The following C1orf94 variants were observed in gnomAD, a reference collection of about 807,000 sequenced individuals.
The protein encoded by C1orf94 is uncharacterized protein C1orf94.
A neutral mutation model predicts 53.6 loss-of-function variants in C1orf94; 45 were observed. The ratio of observed to expected loss-of-function variants is 0.84; its 90% CI spans 0.66 to 1.08. C1orf94 has a LOEUF of 1.08. C1orf94 is among the 50% of genes least tolerant of loss of function. C1orf94 has a pLI of 0.00. For missense variants in C1orf94, 762 were observed against 738.9 expected (o/e 1.03, Z -0.36); for synonymous variants, 304 against 296.1 (o/e 1.03, Z -0.27).
chr1:34,176,416 G>A (rs1326054020), upstream of C1orf94, among the ~76,000 whole-genome samples: 1 of 152,044 alleles, frequency 6.6e-6, no homozygotes, highest in Non-Finnish European at 1.5e-5. Context: ...GTGAGGGTAG[G>A]GGCCTGTTGA....
intron 4 of C1orf94, among the ~76,000 whole-genome samples, chr1:34,205,175 A>G (rs996321415): frequency 2.0e-5 from 3 of 152,166 alleles, no homozygotes; most frequent in Non-Finnish European, 1.5e-5. Flanking sequence ...CATAGGGCTG[A>G]CTATGAGGTT....
At chr1:34,199,496 C>T (rs1642660119) in intron 2 of C1orf94, among the ~76,000 whole-genome samples, 1 of 152,158 alleles carries the variant, frequency 6.6e-6, no homozygotes. Context: ...CAGCCTTAGC[C>T]CCGAAGCTCA....
chr1:34,169,377 G>C (rs1285028982), intron 1 of C1orf94, among the ~76,000 whole-genome samples: 2 of 152,164 alleles, frequency 1.3e-5, no homozygotes, highest in Admixed American at 1.3e-4. Context: ...GCAGTCGTGG[G>C]TTGAGGTGTC....
At chr1:34,170,243 T>C (rs536924658) in intron 1 of C1orf94, among the ~76,000 whole-genome samples, 10 of 152,324 alleles carry the variant, frequency 6.6e-5, no homozygotes, top group East Asian at 1.9e-4. Context: ...GTGCTAGGTG[T>C]TGAGGAAACA....
chr1:34,215,426 A>G (rs1642968799), intron 6 of C1orf94, among the ~76,000 whole-genome samples: 1 of 152,244 alleles, frequency 6.6e-6, no homozygotes, highest in African/African-American at 2.4e-5. Flanking sequence ...AATCTTCTAT[A>G]TAAAACAGAT....
rs144339572 is a variant in C1orf94 at position 34,202,100 on chromosome 1, G to A, written c.1287G>A (p.Thr429=). The change falls in exon 4 of 7, where the codon ACG becomes ACA. Residue 429 remains threonine, a synonymous_variant. Coordinates refer to ENST00000488417, the MANE Select transcript of C1orf94 (RefSeq NM_001134734.2). ...GPELKFNAPV[T]VADKNNPKYT... is the part of the protein sequence containing the mutation. ...GACTTGCAGTTAACGCACCTGTGACGGTTGCTGACAAGAACAACCCGAAGT... is the reference window on the plus strand; with the variant it reads ...GACTTGCAGTTAACGCACCTGTGACAGTTGCTGACAAGAACAACCCGAAGT... 354 of 1,613,668 alleles carry A rather than the reference G, an allele frequency of 2.2e-4. 1 individual carries two copies. The highest frequency in any genetic ancestry group is 2.7e-4 in the Non-Finnish European group (321 of 1,179,860).
At chr1:34,201,457 A>AT (rs1441621749) in intron 3 of C1orf94, among the ~76,000 whole-genome samples, 4 of 152,174 alleles carry the variant, frequency 2.6e-5, no homozygotes, top group African/African-American at 7.2e-5. Context: ...CCCATTTCTG[A>AT]TTTTATAAGC....
At position 34,218,739 on chromosome 1, in the gene C1orf94, G is replaced by A. The variant is rs758152840; in HGVS notation, c.1775G>A (p.Ser592Asn). 8.7e-6 allele frequency: 14 copies of A among 1,612,580 alleles called. 1 individual carries two copies. In the South Asian group the frequency reaches 1.5e-4, roughly 18 times the overall value. Residue 592 changes from serine (S) to asparagine (N), a missense_variant, in exon 7 of 7, where the codon AGT (serine) becomes AAT (asparagine). By Grantham distance (46) the Ser-to-Asn change is conservative. Transcript: ENST00000488417. ...PLMHSPYFSS[S>N]GNGINF ...ATGCACAGCCCCTATTTTTCTTCCA[G>A]TGGGAATGGCATAAACTTTTAGATC...
intron 4 of C1orf94, among the ~76,000 whole-genome samples, chr1:34,206,868 T>C (rs1479478704): frequency 2.0e-5 from 3 of 151,716 alleles, no homozygotes; most frequent in Admixed American, 6.6e-5. Context: ...TGGACAAAAG[T>C]GGGAGGGGCC....
upstream of C1orf94, among the ~76,000 whole-genome samples, chr1:34,176,257 T>C (rs1642223640): frequency 6.6e-6 from 1 of 152,154 alleles, no homozygotes. Flanking sequence ...CTTCCTCTAT[T>C]TGTGTCCATT....
intron 6 of C1orf94, among the ~76,000 whole-genome samples, chr1:34,213,825 G>A (rs1159152329): frequency 6.6e-6 from 1 of 152,062 alleles, no homozygotes. Context: ...ACAGCCATGA[G>A]CCACCGTGCC....
intron 1 of C1orf94, among the ~76,000 whole-genome samples, chr1:34,190,250 G>T (rs1642461211): frequency 6.6e-6 from 1 of 152,092 alleles, no homozygotes; most frequent in Non-Finnish European, 1.5e-5. Flanking sequence ...AGATTATCCT[G>T]GGAGAAATAA....
At chr1:34,194,612 A>T (rs911600368) in intron 1 of C1orf94, among the ~76,000 whole-genome samples, 2 of 152,198 alleles carry the variant, frequency 1.3e-5, no homozygotes, top group African/African-American at 4.8e-5. Context: ...AGCAATGATT[A>T]ACATATGGCC....
intron 1 of C1orf94, among the ~76,000 whole-genome samples, chr1:34,189,343 G>A (rs1034959091): frequency 1.2e-4 from 18 of 147,382 alleles, no homozygotes; most frequent in East Asian, 5.9e-4. Context: ...ATATGTGCCC[G>A]AGTGTGTGTG....
At chr1:34,179,714 ACTT>A (rs1474807174) in intron 1 of C1orf94, among the ~76,000 whole-genome samples, 2 of 152,122 alleles carry the variant, frequency 1.3e-5, no homozygotes, top group East Asian at 1.9e-4. Flanking sequence ...CTTAACATGT[ACTT>A]CTTCAGGTTG....
intron 1 of C1orf94, among the ~76,000 whole-genome samples, chr1:34,189,955 C>T (rs555131737): frequency 3.2e-4 from 49 of 152,292 alleles, no homozygotes; most frequent in African/African-American, 1.2e-3. Context: ...CTTTCTCCTT[C>T]TTCCACTCTT....
upstream of C1orf94, among the ~76,000 whole-genome samples, chr1:34,173,937 A>G (rs1417331489): frequency 6.6e-6 from 1 of 152,226 alleles, no homozygotes; most frequent in Non-Finnish European, 1.5e-5. Flanking sequence ...GTGTTGGAGG[A>G]ACATAACTCC....
chr1:34,198,341 G>A (rs1384867730), intron 2 of C1orf94, among the ~76,000 whole-genome samples: 5 of 152,228 alleles, frequency 3.3e-5, no homozygotes, highest in Admixed American at 2.0e-4. Context: ...CTATCTCATG[G>A]AGGTACCTTG....
At chr1:34,170,119 C>T (rs979096486) in intron 1 of C1orf94, among the ~76,000 whole-genome samples, 2 of 152,244 alleles carry the variant, frequency 1.3e-5, no homozygotes, top group Admixed American at 6.5e-5. Context: ...GCTAGCAATA[C>T]TTTTATGCAG....
Sources: gnomAD v4.1 joint callset for allele counts (sites outside exome capture counted in the v4.1 genomes callset) on GRCh38, gnomAD v4.1.1 for gene constraint, MANE v1.5 for transcripts, NCBI Gene and HGNC (gene_info 2026-07-23, HGNC 2026-07-21) for gene names.